Variants in ZNF215 observed in about 807,000 individuals in gnomAD.
ZNF215 encodes zinc finger protein 215, also known as BWSCR2-associated zinc finger protein 2.
A neutral mutation model predicts 27.2 loss-of-function variants in ZNF215; 24 were observed. The observed-to-expected ratio is 0.88, with a 90% CI of 0.64 to 1.24. The LOEUF is 1.24. Ranked by LOEUF, ZNF215 falls within the 50% of genes most tolerant of loss-of-function variation. The pLI is 0.00. For synonymous variants in ZNF215, 210 were observed against 204.0 expected, an observed-to-expected ratio of 1.03 and a Z score of -0.25; for missense variants, 675 against 605.7, an observed-to-expected ratio of 1.11 and a Z score of -1.20.
At chr11:6,973,705 G>C (rs1054866304) in intron 5 of ZNF215, among the ~76,000 whole-genome samples, 1 of 152,206 alleles carries the variant, frequency 6.6e-6, no homozygotes, top group Non-Finnish European at 1.5e-5. Flanking sequence ...CTTTTGAGAA[G>C]TGTCTGTTCA....
chr11:6,954,716 G>T (rs1376750776), intron 6 of ZNF215, among the ~76,000 whole-genome samples: 7 of 152,132 alleles, frequency 4.6e-5, no homozygotes, highest in Non-Finnish European at 8.8e-5. Flanking sequence ...CCCTGCTTCG[G>T]CTTGCGCAGG....
intron 6 of ZNF215, among the ~76,000 whole-genome samples, chr11:6,944,601 A>T (rs1177492381): frequency 6.6e-6 from 1 of 152,090 alleles, no homozygotes; most frequent in Non-Finnish European, 1.5e-5. Flanking sequence ...TTGTAAGAGA[A>T]AATAAAATTG....
At position 6,956,654 on chromosome 11, in the gene ZNF215, A is replaced by G; in HGVS notation, c.*123A>G. On this transcript the variant is annotated 3_prime_UTR_variant, in exon 7 of 7. Transcript: ENST00000278319. ...AAACATTTGTCAGATTTTTCTTTAA[A>G]TGATATCACAGAATTAATGTTGGAT... 7.1e-7 allele frequency: 1 copy of G among 1,405,864 alleles called. No individual in the cohort carries two copies. Among genetic ancestry groups the G allele is most frequent in the Non-Finnish European group, 9.2e-7 (1 of 1,087,574 alleles). The allele number at this position is 1,405,864 out of a possible 1,614,324, so 87.1% of individuals were successfully genotyped here. A position where few individuals can be genotyped will look rare whatever the true frequency, so the allele number is the denominator to read the frequency against.
At chr11:6,990,670 A>G (rs1851105532), downstream of ZNF215, among the ~76,000 whole-genome samples, 1 of 152,248 alleles carries the variant, frequency 6.6e-6, no homozygotes, top group Non-Finnish European at 1.5e-5. Context: ...ATTCTTAAGA[A>G]TGTCTTTCTG....
At chr11:6,948,232 C>A (rs1217819019) in intron 6 of ZNF215, among the ~76,000 whole-genome samples, 1 of 152,138 alleles carries the variant, frequency 6.6e-6, no homozygotes, top group East Asian at 1.9e-4. Flanking sequence ...TTTACTCTCT[C>A]ATAATAAGAC....
chr11:6,966,034 A>C (rs980514141), intron 5 of ZNF215, among the ~76,000 whole-genome samples: 2 of 152,158 alleles, frequency 1.3e-5, no homozygotes, highest in Non-Finnish European at 2.9e-5. Flanking sequence ...TGAAGTCTTT[A>C]GGCTTTGAGC....
chr11:6,935,473 T>C (rs1264667307), intron 3 of ZNF215, among the ~76,000 whole-genome samples: 1 of 152,202 alleles, frequency 6.6e-6, no homozygotes, highest in Non-Finnish European at 1.5e-5. Context: ...GGGAACAGAT[T>C]CATGCAGGTA....
downstream of ZNF215, among the ~76,000 whole-genome samples, chr11:6,962,555 T>G (rs1850538677): frequency 1.3e-5 from 2 of 152,148 alleles, no homozygotes; most frequent in African/African-American, 4.8e-5. Flanking sequence ...TACTCTATTA[T>G]GTTATCTACA....
chr11:6,931,526 C>G (rs1055906533), intron 2 of ZNF215, among the ~76,000 whole-genome samples: 1 of 150,902 alleles, frequency 6.6e-6, no homozygotes, highest in Non-Finnish European at 1.5e-5. Flanking sequence ...GTGGGCATTG[C>G]GTAATTCTCC....
intron 5 of ZNF215, among the ~76,000 whole-genome samples, chr11:6,979,225 A>G (rs1315166479): frequency 2.0e-5 from 3 of 151,992 alleles, no homozygotes; most frequent in Admixed American, 2.0e-4. Flanking sequence ...ACATAGTAGC[A>G]ATACGGTTTC....
chr11:6,956,789 C>T lies in ZNF215; in HGVS notation c.*258C>T. Reference sequence around the variant, plus strand: ...TATCACCATACAAGTATTTGTTTATCATTATTTTGATATCCATTACCCTCA... The same window carrying T: ...TATCACCATACAAGTATTTGTTTATTATTATTTTGATATCCATTACCCTCA... On this transcript the variant is annotated 3_prime_UTR_variant, in exon 7 of 7. Coordinates refer to ENST00000278319, the MANE Select transcript of ZNF215 (RefSeq NM_013250.4). 2 of 1,226,784 alleles carry T rather than the reference C, an allele frequency of 1.6e-6. No individual in the cohort carries two copies. The highest frequency in any genetic ancestry group is 2.0e-6 in the Non-Finnish European group (2 of 983,498). 76.0% of individuals were successfully genotyped at this position (1,226,784 alleles called of 1,614,324 possible).
chr11:6,966,211 C>T (rs1465491050), intron 5 of ZNF215, among the ~76,000 whole-genome samples: 1 of 152,108 alleles, frequency 6.6e-6, no homozygotes, highest in Non-Finnish European at 1.5e-5. Flanking sequence ...TTTGCAGCGG[C>T]ATGGATGGAG....
At chr11:6,948,739 T>A (rs1849922564) in intron 6 of ZNF215, among the ~76,000 whole-genome samples, 2 of 152,044 alleles carry the variant, frequency 1.3e-5, no homozygotes. Flanking sequence ...CAGTGAAATT[T>A]AATTTTTTTA....
chr11:6,952,500 G>A (rs1850115751), intron 6 of ZNF215, among the ~76,000 whole-genome samples: 1 of 151,944 alleles, frequency 6.6e-6, no homozygotes, highest in African/African-American at 2.4e-5. Context: ...GGCCTTCTTT[G>A]TCTCTTTTGA....
chr11:6,972,424 A>G (rs1417176757), intron 5 of ZNF215, among the ~76,000 whole-genome samples: 1 of 147,620 alleles, frequency 6.8e-6, no homozygotes, highest in East Asian at 2.0e-4. Context: ...TTTTTTTTTA[A>G]CCAATATTGT....
At chr11:6,949,196 C>A (rs1036366103) in intron 6 of ZNF215, among the ~76,000 whole-genome samples, 12 of 151,828 alleles carry the variant, frequency 7.9e-5, no homozygotes, top group African/African-American at 2.9e-4. Context: ...GTGAATAGTG[C>A]CTCAATAAAC....
At chr11:6,976,762 A>G (rs1194112972) in intron 5 of ZNF215, among the ~76,000 whole-genome samples, 2 of 152,050 alleles carry the variant, frequency 1.3e-5, no homozygotes, top group African/African-American at 2.4e-5. Context: ...AAAAATCAGT[A>G]TCTTGTTTGT....
At chr11:6,960,792 G>A (rs1406685668), downstream of ZNF215, among the ~76,000 whole-genome samples, 1 of 152,124 alleles carries the variant, frequency 6.6e-6, no homozygotes, top group African/African-American at 2.4e-5. Context: ...CCAGCCTTCA[G>A]AAAATGGACA....
At chr11:6,974,881 T>C (rs1181591349) in intron 5 of ZNF215, among the ~76,000 whole-genome samples, 1 of 152,168 alleles carries the variant, frequency 6.6e-6, no homozygotes, top group African/African-American at 2.4e-5. Flanking sequence ...GAATGCCCTT[T>C]ATTTCTTTCT....
Sources: allele counts gnomAD v4.1 joint callset (sites outside exome capture counted in the v4.1 genomes callset), GRCh38; gene constraint gnomAD v4.1.1; transcripts MANE v1.5; gene names NCBI Gene and HGNC (gene_info 2026-07-23, HGNC 2026-07-21).